Variants in APPL2 observed in about 807,000 individuals in gnomAD.
The protein encoded by APPL2 is adaptor protein, phosphotyrosine interacting with PH domain and leucine zipper 2.
In APPL2, 84 loss-of-function variants were observed where a neutral mutation model predicts 92.7. That is an observed-to-expected ratio of 0.91 (90% CI 0.76 to 1.09). The LOEUF is 1.09. Among genes scored for constraint, APPL2 ranks in the 50% least tolerant of loss-of-function variants. The pLI, the probability that APPL2 is intolerant of heterozygous loss-of-function variation, is 0.00. For synonymous variants in APPL2, 291 were observed against 291.0 expected (o/e 1.00, Z 0.00); for missense variants, 736 against 824.5 (o/e 0.89, Z 1.31).
At chr12:105,217,791 A>C in intron 2 of APPL2, 66 bp from the exon 3 acceptor site, 1 of 1,454,970 alleles carries the variant, frequency 6.9e-7, no homozygotes, top group Non-Finnish European at 9.6e-7. Flanking sequence ...GAAAAATGCC[A>C]TCTCTGAGAA....
At chr12:105,188,131 A>G in intron 17 of APPL2, 142 bp downstream of exon 17, 2 of 899,546 alleles carry the variant, frequency 2.2e-6, no homozygotes, top group Non-Finnish European at 3.3e-6. Flanking sequence ...TTTCTAGGCT[A>G]TCTATCTTAT....
chr12:105,187,379 G>C (rs1037942015), intron 17 of APPL2, among the ~76,000 whole-genome samples: 1 of 152,116 alleles, frequency 6.6e-6, no homozygotes, highest in Non-Finnish European at 1.5e-5. Flanking sequence ...TATTCCTCAT[G>C]ACATTTATTC....
At chr12:105,197,663 T>A in intron 11 of APPL2, 102 bp downstream of exon 11, 1 of 1,424,584 alleles carries the variant, frequency 7.0e-7, no homozygotes. Flanking sequence ...GATTGGGGCC[T>A]CTCCCACAGA....
chr12:105,192,167 G>A (rs558020475), intron 14 of APPL2, among the ~76,000 whole-genome samples: 6 of 152,152 alleles, frequency 3.9e-5, no homozygotes, highest in South Asian at 2.1e-4. Context: ...GTCCTTTTCC[G>A]TCTACGCTTA....
In APPL2 at chr12:105,217,054, A is replaced by G. The variant is rs1428641299; in HGVS notation, c.285+15T>C. On this transcript the variant is annotated intron_variant, in intron 4 of 20. Coordinates refer to ENST00000258530, the MANE Select transcript of APPL2 (RefSeq NM_018171.5). ...AGAAAGAATCAAATACAAATTTTCT[A>G]TGTTGCTATCTTACCTCATCCACCA... 6 of 1,561,674 alleles carry G rather than the reference A, an allele frequency of 3.8e-6. No homozygotes were observed. The highest frequency in any genetic ancestry group is 1.4e-5 in the African/African-American group (1 of 73,480).
In APPL2 at chr12:105,174,232, T is replaced by C. The variant is rs1336333764; in HGVS notation, c.*82A>G. ...TGTCAGCCTTCGGAAATCAGGTCAG[T>C]GTGCCTGTATGTCAGAGACGTTAAA... On this transcript the variant is annotated 3_prime_UTR_variant, in exon 21 of 21. Transcript: ENST00000258530. 1 of 1,507,476 alleles carries C rather than the reference T, an allele frequency of 6.6e-7. No homozygotes were observed. The highest frequency in any genetic ancestry group is 1.3e-5 in the South Asian group (1 of 76,810). 93.4% of individuals were successfully genotyped at this position (1,507,476 alleles called of 1,614,324 possible). A position where few individuals can be genotyped will look rare whatever the true frequency, so the allele number is the denominator to read the frequency against.
intron 11 of APPL2, among the ~76,000 whole-genome samples, chr12:105,197,515 G>C (rs1373645327): frequency 6.6e-6 from 1 of 152,220 alleles, no homozygotes; most frequent in East Asian, 1.9e-4. Context: ...CACACACGTA[G>C]GTCATCTCTT....
chr12:105,181,254 G>C (rs770478532), intron 17 of APPL2, among the ~76,000 whole-genome samples: 4 of 152,166 alleles, frequency 2.6e-5, no homozygotes, highest in Non-Finnish European at 4.4e-5. Context: ...TTACGTGATG[G>C]ATTACATTTA....
chr12:105,235,865 T>G, intron 1 of APPL2, 94 bp downstream of exon 1: 1 of 1,078,730 alleles, frequency 9.3e-7, no homozygotes, highest in Non-Finnish European at 1.2e-6. Flanking sequence ...CTCCCGCGGC[T>G]GCCCGGCCGG....
chr12:105,208,017 G>A lies in APPL2; in HGVS notation c.428C>T (p.Ser143Leu). The change falls in exon 7 of 21, where the codon TCA (serine) becomes TTA (leucine). Residue 143 changes from serine (S) to leucine (L), a missense_variant. Physicochemically the swap from Ser to Leu is moderately radical, Grantham distance 145. Coordinates refer to ENST00000258530, the MANE Select transcript of APPL2 (RefSeq NM_018171.5). ...FGLASNEHDL[S>L]MAKYSRLPKK... is the part of the protein sequence containing the mutation. Reference sequence around the variant, plus strand: ...AGGCAGCCTGCTGTATTTTGCCATTGAGAGGTCATGCTCTAAAAATAAACA... The same window carrying A: ...AGGCAGCCTGCTGTATTTTGCCATTAAGAGGTCATGCTCTAAAAATAAACA... 6.2e-7 allele frequency: 1 copy of A among 1,614,108 alleles called. No individual in the cohort carries two copies. Among genetic ancestry groups the A allele is most frequent in the Non-Finnish European group, 8.5e-7 (1 of 1,179,994 alleles).
chr12:105,203,168 G>A (rs911397220), intron 9 of APPL2, among the ~76,000 whole-genome samples: 2 of 152,230 alleles, frequency 1.3e-5, no homozygotes, highest in Non-Finnish European at 2.9e-5. Context: ...GCCCCCCTCA[G>A]AGCTCTGTCA....
chr12:105,200,945 G>A (rs1425071183), intron 9 of APPL2, among the ~76,000 whole-genome samples: 3 of 151,660 alleles, frequency 2.0e-5, no homozygotes, highest in Admixed American at 6.6e-5. Flanking sequence ...GTCTTGCTCC[G>A]CCACCCAGGC....
intron 4 of APPL2, among the ~76,000 whole-genome samples, chr12:105,212,576 A>G (rs1889315045): frequency 6.6e-6 from 1 of 152,222 alleles, no homozygotes; most frequent in Non-Finnish European, 1.5e-5. Flanking sequence ...TTTGTCCTTT[A>G]TGCTCACGTT....
At chr12:105,208,076 A>G (rs2136009800) in intron 6 of APPL2, 47 bp from the exon 7 acceptor site, 2 of 1,613,756 alleles carry the variant, frequency 1.2e-6, no homozygotes, top group Non-Finnish European at 1.7e-6. Context: ...CAGGGTCGAA[A>G]GGGAAGAACA....
At chr12:105,216,574 G>C (rs185296181) in intron 4 of APPL2, among the ~76,000 whole-genome samples, 299 of 152,260 alleles carry the variant, frequency 2.0e-3, no homozygotes, top group African/African-American at 6.9e-3. Context: ...AAAAACATGG[G>C]GGGTAGAGGG....
In APPL2 at chr12:105,217,715, C is replaced by T. The variant is rs766719854; in HGVS notation, c.164G>A (p.Cys55Tyr). The T allele has an allele frequency of 5.0e-6, 8 of 1,613,698 alleles. No individual in the cohort carries two copies. The highest frequency in any genetic ancestry group is 1.3e-5 in the African/African-American group (1 of 74,902). The change falls in exon 3 of 21, where the codon TGC (cysteine) becomes TAC (tyrosine). Residue 55 changes from cysteine (C) to tyrosine (Y), a missense_variant. Cys to Tyr is a radical substitution (Grantham distance 194, BLOSUM62 -2). Coordinates refer to ENST00000258530, the MANE Select transcript of APPL2 (RefSeq NM_018171.5). ...QRVYGAQNEMCLATQQLSKQL... is the reference protein window; with the variant it reads ...QRVYGAQNEMYLATQQLSKQL... The stretch of plus-strand genomic sequence containing the variant: ...CTTAGAAAGCTGTTGTGTGGCCAGG[C>T]ACATCTCATTCTGTGGAGAGAAGAG...
At chr12:105,232,876 A>G (rs1291918905) in intron 1 of APPL2, among the ~76,000 whole-genome samples, 1 of 152,166 alleles carries the variant, frequency 6.6e-6, no homozygotes, top group African/African-American at 2.4e-5. Flanking sequence ...TAAAACCACC[A>G]GGTTATGTTT....
At chr12:105,188,480 T>A (rs768687003) in intron 16 of APPL2, 33 bp from the exon 17 acceptor site, 4 of 1,608,596 alleles carry the variant, frequency 2.5e-6, no homozygotes, top group Admixed American at 1.7e-5. Flanking sequence ...CAGGATCTCA[T>A]TTACTTCCTG....
intron 17 of APPL2, among the ~76,000 whole-genome samples, chr12:105,186,635 T>TGA (rs1566056032): frequency 1.5e-5 from 2 of 132,448 alleles, no homozygotes; most frequent in African/African-American, 5.5e-5. Flanking sequence ...ATCATATATA[T>TGA]CATATATATG....
Sources: allele counts gnomAD v4.1 joint callset (sites outside exome capture counted in the v4.1 genomes callset), GRCh38; gene constraint gnomAD v4.1.1; transcripts MANE v1.5; gene names NCBI Gene and HGNC (gene_info 2026-07-23, HGNC 2026-07-21).